Variants in MAPRE3 observed in about 807,000 individuals in gnomAD.
MAPRE3 encodes microtubule-associated protein RP/EB family member 3.
Under a neutral mutation model 30.5 loss-of-function variants are expected in MAPRE3, and 2 were observed. The observed-to-expected ratio is 0.07, with a 90% CI of 0.03 to 0.21. The LOEUF is 0.21. Ranked by LOEUF, MAPRE3 falls within the 10% of genes least tolerant of loss-of-function variation. MAPRE3 has a pLI of 1.00. For missense variants in MAPRE3, 204 were observed against 351.8 expected (o/e 0.58, Z 3.36); for synonymous variants, 110 against 127.7 (o/e 0.86, Z 0.93).
chr2:26,976,105 C>G (rs1234039677), intron 1 of MAPRE3, among the ~76,000 whole-genome samples: 1 of 152,140 alleles, frequency 6.6e-6, no homozygotes, highest in East Asian at 1.9e-4. Context: ...GTCAAGAGGG[C>G]TTGAAGTTTA....
intron 4 of MAPRE3, 34 bp downstream of exon 4, chr2:27,024,331 G>A (rs1455899039): frequency 1.3e-6 from 2 of 1,594,994 alleles, no homozygotes; most frequent in Non-Finnish European, 1.7e-6. Context: ...GGAGCGTGGG[G>A]GGCCGGGCCG....
In MAPRE3 at chr2:27,015,643, C is replaced by T. The variant is rs552175774; in HGVS notation, c.-7-6569C>T. On this transcript the variant is annotated intron_variant, in intron 1 of 6. Coordinates refer to ENST00000233121, the MANE Select transcript of MAPRE3 (RefSeq NM_012326.4). This position sits in a 1 kb window ranked among gnomAD's most constrained non-coding sequence, Gnocchi z 4.0. Reference sequence around the variant, plus strand: ...CTAGAGAATTAGAGAAGACTGAGGGCCCCTAAATTACCCTTAAGACATATT... The same window carrying T: ...CTAGAGAATTAGAGAAGACTGAGGGTCCCTAAATTACCCTTAAGACATATT... 6.6e-6 allele frequency among the ~76,000 whole-genome samples: 1 copy of T among 152,176 alleles called. No individual in the cohort carries two copies. The highest frequency in any genetic ancestry group is 2.1e-4 in the South Asian group (1 of 4,816).
chr2:27,000,732 T>C (rs1277067811), intron 1 of MAPRE3, among the ~76,000 whole-genome samples: 1 of 152,196 alleles, frequency 6.6e-6, no homozygotes, highest in Admixed American at 6.5e-5. Context: ...GCTGCCGGTG[T>C]CCGCTGGTGA....
intron 1 of MAPRE3, among the ~76,000 whole-genome samples, chr2:26,983,894 C>T (rs1328956124): frequency 6.6e-6 from 1 of 152,250 alleles, no homozygotes; most frequent in Non-Finnish European, 1.5e-5. Context: ...AGAGAAACAA[C>T]TGAGAAGCCT....
intron 1 of MAPRE3, among the ~76,000 whole-genome samples, chr2:27,020,014 G>T (rs1292970794): frequency 6.6e-6 from 1 of 152,176 alleles, no homozygotes; most frequent in African/African-American, 2.4e-5. Flanking sequence ...GTTAGGTCTG[G>T]GGGAGGACAA....
At chr2:26,977,778 C>T (rs1294281697) in intron 1 of MAPRE3, among the ~76,000 whole-genome samples, 1 of 152,188 alleles carries the variant, frequency 6.6e-6, no homozygotes, top group African/African-American at 2.4e-5. Flanking sequence ...GTCCTCTGGC[C>T]TCATCTTTCC....
rs1429139201 is a variant in MAPRE3 at position 27,024,127 on chromosome 2, A to G, written c.299A>G (p.Lys100Arg). The part of the protein sequence containing the change: ...IIPVEKLVKG[K>R]FQDNFEFIQW... ...CCTGTAGAGAAATTAGTGAAAGGAA[A>G]ATTCCAAGATAATTTTGAGTTTATT... Residue 100 changes from lysine (K) to arginine (R), a missense_variant, in exon 4 of 7, where the codon AAA becomes AGA. Transcript: ENST00000233121. The G allele has an allele frequency of 1.2e-6, 2 of 1,614,138 alleles. No homozygotes were observed. The highest frequency in any genetic ancestry group is 1.7e-6 in the Non-Finnish European group (2 of 1,179,960).
chr2:27,021,648 G>A (rs1452019567), intron 1 of MAPRE3, among the ~76,000 whole-genome samples: 1 of 152,132 alleles, frequency 6.6e-6, no homozygotes, highest in Non-Finnish European at 1.5e-5. Flanking sequence ...ACAAGGGCCT[G>A]GCAACCTGTC....
At chr2:26,976,317 GT>G (rs759436236) in intron 1 of MAPRE3, among the ~76,000 whole-genome samples, 17 of 152,202 alleles carry the variant, frequency 1.1e-4, no homozygotes, top group Non-Finnish European at 2.1e-4. Context: ...CAGATGTCAT[GT>G]TTATTATAGA....
At chr2:27,004,713 A>C (rs570070668) in intron 1 of MAPRE3, among the ~76,000 whole-genome samples, 1 of 151,678 alleles carries the variant, frequency 6.6e-6, no homozygotes, top group South Asian at 2.1e-4. Flanking sequence ...AATTACTAGA[A>C]TATCAAGGAT....
At chr2:27,005,911 G>A (rs574491833) in intron 1 of MAPRE3, among the ~76,000 whole-genome samples, 4 of 152,200 alleles carry the variant, frequency 2.6e-5, no homozygotes, top group Admixed American at 2.0e-4. Flanking sequence ...GGCCGGGCGC[G>A]GTGGCTCACG....
intron 1 of MAPRE3, among the ~76,000 whole-genome samples, chr2:26,995,829 G>GTGTGTGTGTGTGTGTATA (rs1335864863): frequency 6.8e-6 from 1 of 147,008 alleles, no homozygotes; most frequent in African/African-American, 2.6e-5. Flanking sequence ...GTGTGTGTGT[G>GTGTGTGTGTGTGTGTATA]TATGTGTGTG....
At chr2:27,012,929 G>C (rs1280676897) in intron 1 of MAPRE3, 1 of 152,668 alleles carries the variant, frequency 6.6e-6, no homozygotes, top group South Asian at 2.1e-4. Flanking sequence ...GGGAAAGTAG[G>C]CTAAACAATT....
At chr2:27,016,277 ACAGAG>A (rs1444927292) in intron 1 of MAPRE3, among the ~76,000 whole-genome samples, 2 of 151,972 alleles carry the variant, frequency 1.3e-5, no homozygotes, top group African/African-American at 4.8e-5. Context: ...ATCTCTTGGG[ACAGAG>A]CCTGCCCCCT....
At chr2:26,998,037 G>A (rs1345825363) in intron 1 of MAPRE3, among the ~76,000 whole-genome samples, 2 of 152,188 alleles carry the variant, frequency 1.3e-5, no homozygotes, top group Admixed American at 1.3e-4. Flanking sequence ...CTTTAACCAT[G>A]TTAAAGCTGT....
intron 1 of MAPRE3, among the ~76,000 whole-genome samples, chr2:27,018,837 GA>G (rs1199946268): frequency 6.6e-6 from 1 of 151,990 alleles, no homozygotes; most frequent in African/African-American, 2.4e-5. Flanking sequence ...AAAGTGAATG[GA>G]ACAGAGCCTG....
intron 1 of MAPRE3, among the ~76,000 whole-genome samples, chr2:26,974,860 A>G (rs1665986621): frequency 6.6e-6 from 1 of 152,248 alleles, no homozygotes; most frequent in Admixed American, 6.5e-5. Context: ...TTTTATATTG[A>G]CTAAAGCATA....
chr2:26,995,074 G>T (rs577012103), intron 1 of MAPRE3, among the ~76,000 whole-genome samples: 1 of 152,074 alleles, frequency 6.6e-6, no homozygotes, highest in Non-Finnish European at 1.5e-5. Context: ...TTTTGTAAGG[G>T]CCAGATAGTA....
chr2:26,992,330 G>A (rs905272467), intron 1 of MAPRE3, among the ~76,000 whole-genome samples: 3 of 151,460 alleles, frequency 2.0e-5, no homozygotes, highest in Admixed American at 6.6e-5. Flanking sequence ...TGGTTCAAGC[G>A]ATTCTCCTGC....
Sources: allele counts gnomAD v4.1 joint callset (sites outside exome capture counted in the v4.1 genomes callset), GRCh38; gene constraint gnomAD v4.1.1; non-coding constraint Gnocchi (gnomAD v3.1); transcripts MANE v1.5; gene names NCBI Gene and HGNC (gene_info 2026-07-23, HGNC 2026-07-21).